Variants in TDRD12 observed in about 807,000 individuals in gnomAD.
TDRD12 encodes the protein tudor domain containing 12, also known as putative ATP-dependent RNA helicase TDRD12.
TDRD12 carries 158 observed loss-of-function variants against 133.5 expected under a neutral mutation model. The observed-to-expected ratio is 1.18, with a 90% CI of 1.04 to 1.35. TDRD12 has a LOEUF of 1.35. Ranked by LOEUF, TDRD12 falls within the 40% of genes most tolerant of loss-of-function variation. The pLI, the probability that TDRD12 is intolerant of heterozygous loss-of-function variation, is 0.00. For synonymous variants in TDRD12, 460 were observed against 477.9 expected (o/e 0.96, Z 0.49); for missense variants, 1,443 against 1,321.3 (o/e 1.09, Z -1.43).
At chr19:32,812,054 C>T (rs192093508) in intron 24 of TDRD12, among the ~76,000 whole-genome samples, 4 of 152,250 alleles carry the variant, frequency 2.6e-5, no homozygotes, top group East Asian at 1.9e-4. Flanking sequence ...CTCTGGGCTT[C>T]GTGGGGTAAC....
intron 19 of TDRD12, among the ~76,000 whole-genome samples, chr19:32,802,326 T>C (rs1350483086): frequency 6.6e-6 from 1 of 150,706 alleles, no homozygotes; most frequent in African/African-American, 2.4e-5. Flanking sequence ...TATATGACTA[T>C]ATACATATGA....
chr19:32,761,207 C>T (rs1204072446), intron 8 of TDRD12, among the ~76,000 whole-genome samples: 1 of 152,232 alleles, frequency 6.6e-6, no homozygotes, highest in African/African-American at 2.4e-5. Flanking sequence ...GCTCCACCTC[C>T]CAGGTTCACA....
chr19:32,748,128 C>A (rs1969709568), intron 4 of TDRD12, among the ~76,000 whole-genome samples: 1 of 152,158 alleles, frequency 6.6e-6, no homozygotes, highest in Non-Finnish European at 1.5e-5. Context: ...TTAGACACCC[C>A]ACACTCAGGA....
At chr19:32,755,727 C>G (rs1298200022) in intron 6 of TDRD12, among the ~76,000 whole-genome samples, 2 of 152,218 alleles carry the variant, frequency 1.3e-5, no homozygotes, top group African/African-American at 4.8e-5. Flanking sequence ...AGGCTTTTGC[C>G]TGGCCAGGTA....
chr19:32,828,052 C>T (rs542722030), exon 10 of TDRD12: 5 of 152,316 alleles, frequency 3.3e-5, no homozygotes, highest in Admixed American at 3.3e-4. Context: ...GCCCTTTCAA[C>T]CATGAGATAG....
At position 32,826,814 on chromosome 19, in the gene TDRD12, A is replaced by G. The variant is rs1276471457; in HGVS notation, c.1049+216A>G. On this transcript the variant is annotated intron_variant, in intron 9 of 9. Coordinates refer to the TDRD12 transcript ENST00000637289. The stretch of plus-strand genomic sequence containing the variant: ...TCTGAGGGCAGTGAGGGACACCATC[A>G]CCCACTTAGGAATTCAGCCTTGGTG... The G allele has an allele frequency of 5.8e-6, 6 of 1,034,784 alleles. No individual in the cohort carries two copies. The African/African-American group carries it at 8.3e-5, about 14-fold the overall frequency. 64.1% of individuals were successfully genotyped at this position (1,034,784 alleles called of 1,614,324 possible). A position where few individuals can be genotyped will look rare whatever the true frequency, so the allele number is the denominator to read the frequency against.
chr19:32,800,889 T>A, intron 18 of TDRD12, 117 bp downstream of exon 18: 2 of 1,080,644 alleles, frequency 1.9e-6, no homozygotes, highest in Non-Finnish European at 2.5e-6. Flanking sequence ...TTTACAAGTT[T>A]AACATCAATC....
At chr19:32,774,193 G>A (rs773501373) in intron 10 of TDRD12, among the ~76,000 whole-genome samples, 5 of 152,208 alleles carry the variant, frequency 3.3e-5, no homozygotes, top group African/African-American at 2.4e-5. Flanking sequence ...CCCTCGTGTC[G>A]TGGACTTTAT....
At chr19:32,754,904 G>C (rs1251016959) in intron 6 of TDRD12, among the ~76,000 whole-genome samples, 1 of 152,016 alleles carries the variant, frequency 6.6e-6, no homozygotes, top group African/African-American at 2.4e-5. Context: ...AGGTGGTAAA[G>C]TGCAGAAGGC....
chr19:32,810,247 A>G, exon 23 of TDRD12: 3 of 1,525,322 alleles, frequency 2.0e-6, no homozygotes, highest in Non-Finnish European at 2.6e-6. Context: ...TTTGGATTGT[A>G]TGGATTAGCA....
At chr19:32,722,825 G>A (rs371229798) in intron 1 of TDRD12, among the ~76,000 whole-genome samples, 2 of 151,622 alleles carry the variant, frequency 1.3e-5, no homozygotes, top group Non-Finnish European at 2.9e-5. Flanking sequence ...GATTACAGGC[G>A]CGTGCCACCA....
At chr19:32,821,681 A>G (rs1967402289), downstream of TDRD12, among the ~76,000 whole-genome samples, 1 of 152,206 alleles carries the variant, frequency 6.6e-6, no homozygotes, top group South Asian at 2.1e-4. Flanking sequence ...CCCCGCCTAT[A>G]GTATATGTTC....
chr19:32,769,997 C>CT (rs10644275), intron 8 of TDRD12, among the ~76,000 whole-genome samples: 77,742 of 144,236 alleles, frequency 0.54, 20,988 homozygotes, highest in African/African-American at 0.64. Context: ...GGTATGTGTT[C>CT]TTTTTTTTTT....
chr19:32,805,729 C>CTTT (rs397860060), intron 21 of TDRD12, among the ~76,000 whole-genome samples: 20 of 118,894 alleles, frequency 1.7e-4, no homozygotes, highest in African/African-American at 3.3e-4. Flanking sequence ...TTTTTTTTAT[C>CTTT]TTTTTTTTTT....
intron 10 of TDRD12, among the ~76,000 whole-genome samples, chr19:32,775,959 G>A (rs181297747): frequency 6.6e-6 from 1 of 152,164 alleles, no homozygotes; most frequent in Non-Finnish European, 1.5e-5. Flanking sequence ...GCAGGAGGTC[G>A]GTACCTCCAT....
intron 10 of TDRD12, 115 bp from the exon 11 acceptor site, chr19:32,777,034 G>T: frequency 1.5e-6 from 1 of 674,796 alleles, no homozygotes. Context: ...GACTATAGGT[G>T]CACACCACCA....
intron 13 of TDRD12, among the ~76,000 whole-genome samples, chr19:32,792,830 A>C (rs1971111561): frequency 6.6e-6 from 1 of 152,194 alleles, no homozygotes; most frequent in South Asian, 2.1e-4. Context: ...GGTCCTACAC[A>C]CTGGACCAGG....
intron 8 of TDRD12, among the ~76,000 whole-genome samples, 164 bp downstream of exon 8, chr19:32,757,294 CT>C (rs1287583044): frequency 9.9e-5 from 15 of 152,176 alleles, no homozygotes; most frequent in African/African-American, 3.6e-4. Flanking sequence ...TTCATGTGTC[CT>C]GCATTTCATA....
chr19:32,765,623 C>T (rs1329063624), intron 8 of TDRD12, among the ~76,000 whole-genome samples: 1 of 150,788 alleles, frequency 6.6e-6, no homozygotes, highest in Non-Finnish European at 1.5e-5. Flanking sequence ...TCATTCTCAG[C>T]AAACTATCGC....
Sources: allele counts gnomAD v4.1 joint callset (sites outside exome capture counted in the v4.1 genomes callset), GRCh38; gene constraint gnomAD v4.1.1; transcripts MANE v1.5; gene names NCBI Gene and HGNC (gene_info 2026-07-23, HGNC 2026-07-21).